Variants in ZNF626 observed in about 807,000 individuals in gnomAD.
ZNF626 encodes CTC-513N18.7.
Under a neutral mutation model 11.7 loss-of-function variants are expected in ZNF626, and 4 were observed. The observed-to-expected ratio is 0.34, with a 90% CI of 0.17 to 0.78. The LOEUF (loss-of-function observed/expected upper bound fraction) is 0.78. Among genes scored for constraint, ZNF626 ranks in the 30% least tolerant of loss-of-function variants. The probability of loss-of-function intolerance (pLI) is 0.57; values close to 1 mark genes in which losing one functional copy is unlikely to be tolerated. For missense variants in ZNF626, 588 were observed against 587.1 expected (o/e 1.00, Z -0.01); for synonymous variants, 179 against 198.6 (o/e 0.90, Z 0.83).
At chr19:20,646,832 A>G (rs1555771960) in intron 1 of ZNF626, among the ~76,000 whole-genome samples, 5 of 152,020 alleles carry the variant, frequency 3.3e-5, no homozygotes. Context: ...GATCTGGAAT[A>G]AAGTCTGATT....
intron 1 of ZNF626, among the ~76,000 whole-genome samples, chr19:20,660,608 A>G (rs747151292): frequency 9.7e-4 from 148 of 152,108 alleles, no homozygotes; most frequent in Non-Finnish European, 1.8e-3. Context: ...TATTTTTAGT[A>G]GAGACGGGTT....
Position 20,625,341 on chromosome 19 carries a change from C to A in ZNF626, c.536G>T (p.Gly179Val). The A allele has an allele frequency of 6.2e-7, 1 of 1,613,952 alleles. No individual in the cohort carries two copies. The change falls in exon 4 of 4, where the codon GGC becomes GTC. Residue 179 changes from glycine to valine, a missense_variant. By Grantham distance (109) the Gly-to-Val change is moderately radical. This residue lies in a region of ZNF626 where 524 missense variants were observed against 470.1 expected (regional missense o/e 1.11). Coordinates refer to ENST00000601440, the MANE Select transcript of ZNF626 (RefSeq NM_001076675.3). ...AGTTGAGAACTGCTTAAAAGCTTTG[C>A]CACATTCTATATATTTGAAAGGTTT... The part of the protein sequence containing the change: ...GKKPFKYIEC[G>V]KAFKQFSTLT...
At chr19:20,636,188 C>A (rs911241712) in intron 3 of ZNF626, among the ~76,000 whole-genome samples, 5 of 152,026 alleles carry the variant, frequency 3.3e-5, no homozygotes, top group Non-Finnish European at 7.4e-5. Context: ...ACCTACAAAA[C>A]AAATATACAA....
chr19:20,642,346 T>C lies in ZNF626; in HGVS notation c.226+3338A>G, dbSNP rs139743939. Among the ~76,000 whole-genome samples the C allele has an allele frequency of 1.6e-4, 24 of 152,308 alleles. No homozygotes were observed. The East Asian group carries it at 3.3e-3, about 21-fold the overall frequency. On this transcript the variant is annotated intron_variant, in intron 3 of 3. Transcript: ENST00000601440. ...CAGGCGCAGTGGCTCATGACTATAA[T>C]TGCAGCACTTTGGAAGGCCAAGGTG...
intron 3 of ZNF626, among the ~76,000 whole-genome samples, chr19:20,642,528 G>A (rs1003488866): frequency 1.6e-4 from 24 of 152,036 alleles, no homozygotes; most frequent in African/African-American, 5.6e-4. Flanking sequence ...CTTGGAAGGC[G>A]GAGGTTGCAG....
chr19:20,656,274 T>C (rs1276819283), intron 1 of ZNF626, among the ~76,000 whole-genome samples: 1 of 152,006 alleles, frequency 6.6e-6, no homozygotes, highest in African/African-American at 2.4e-5. Flanking sequence ...TTACACCATA[T>C]ACAAAAATCA....
At position 20,623,396 on chromosome 19, in the gene ZNF626, A is replaced by G. The variant is rs1215797996; in HGVS notation, c.*894T>C. On this transcript the variant is annotated 3_prime_UTR_variant, in exon 4 of 4. Transcript: ENST00000601440. ...TATATTTCTAGGGTTTCACACTAGT[A>G]TAAATTTTTTATGTATAGAAAGGAT... is the stretch of plus-strand genomic sequence containing the variant. The G allele has an allele frequency of 6.6e-6, 1 of 152,262 alleles. No homozygotes were observed. The highest frequency in any genetic ancestry group is 2.4e-5 in the African/African-American group (1 of 41,450). The allele number at this position is 152,262 out of a possible 1,614,324, so 9.4% of individuals were successfully genotyped here. A position where few individuals can be genotyped will look rare whatever the true frequency, so the allele number is the denominator to read the frequency against.
intron 1 of ZNF626, among the ~76,000 whole-genome samples, chr19:20,656,885 G>C (rs1341985245): frequency 6.6e-6 from 1 of 152,100 alleles, no homozygotes; most frequent in Non-Finnish European, 1.5e-5. Context: ...AAGCAGTGTG[G>C]TGATTCCTCA....
intron 3 of ZNF626, among the ~76,000 whole-genome samples, chr19:20,640,197 T>C (rs34401019): frequency 0.18 from 21,472 of 119,254 alleles, 1,695 homozygotes; most frequent in African/African-American, 0.33. Flanking sequence ...TTAAAATATT[T>C]TAATTTTTTA....
At chr19:20,660,256 A>C (rs1970250520) in intron 1 of ZNF626, among the ~76,000 whole-genome samples, 1 of 151,672 alleles carries the variant, frequency 6.6e-6, no homozygotes, top group Non-Finnish European at 1.5e-5. Flanking sequence ...AAAAAAAAAA[A>C]AAAAAAAAAA....
At chr19:20,638,463 A>G (rs899188330) in intron 3 of ZNF626, among the ~76,000 whole-genome samples, 2 of 150,782 alleles carry the variant, frequency 1.3e-5, no homozygotes, top group African/African-American at 2.4e-5. Context: ...ATAAAATTAT[A>G]TAGAGAAAAA....
intron 1 of ZNF626, among the ~76,000 whole-genome samples, chr19:20,653,829 A>C (rs1258285234): frequency 6.6e-6 from 1 of 152,104 alleles, no homozygotes; most frequent in Non-Finnish European, 1.5e-5. Context: ...ATAGAATCTG[A>C]CTGTGTTCAT....
chr19:20,632,556 A>C (rs1969918200), intron 3 of ZNF626, among the ~76,000 whole-genome samples: 3 of 152,142 alleles, frequency 2.0e-5, no homozygotes, highest in Non-Finnish European at 2.9e-5. Context: ...CATCGCTGAT[A>C]CCCTTTCTTC....
chr19:20,627,402 T>C (rs1472791486), intron 3 of ZNF626, among the ~76,000 whole-genome samples: 2 of 152,046 alleles, frequency 1.3e-5, no homozygotes, highest in Non-Finnish European at 2.9e-5. Flanking sequence ...AGAGGTTTTA[T>C]GTAATCTCCC....
chr19:20,636,328 T>C (rs1599478332), intron 3 of ZNF626, among the ~76,000 whole-genome samples: 1 of 152,030 alleles, frequency 6.6e-6, no homozygotes, highest in South Asian at 2.1e-4. Context: ...CAGTTAAATA[T>C]TGTTACATAC....
Position 20,624,844 on chromosome 19 carries a change from C to G in ZNF626, c.1033G>C (p.Glu345Gln). 6.2e-7 allele frequency: 1 copy of G among 1,613,588 alleles called. No individual in the cohort carries two copies. Among genetic ancestry groups the G allele is most frequent in the South Asian group, 1.1e-5 (1 of 91,052 alleles). The part of the protein sequence containing the change: ...HTEDKPYKCE[E>Q]CGKAFKYSST... ...GAGTACTTAAAGGCTTTGCCACATT[C>G]TTCACATTTGTAGGGTTTGTCTTCA... The change falls in exon 4 of 4, where the codon GAA becomes CAA. Residue 345 changes from glutamate (E) to glutamine (Q), a missense_variant. Glu to Gln is a conservative substitution (Grantham distance 29). Coordinates refer to ENST00000601440, the MANE Select transcript of ZNF626 (RefSeq NM_001076675.3).
rs1555771892 is a variant in ZNF626, at chr19:20,646,280, A to T, written c.129T>A (p.Leu43=). 1 of 1,613,468 alleles carries T rather than the reference A, an allele frequency of 6.2e-7. No individual in the cohort carries two copies. The change falls in exon 2 of 4, where the codon CTT becomes CTA. Residue 43 remains leucine, a splice_region_variant and synonymous_variant. Coordinates refer to ENST00000601440, the MANE Select transcript of ZNF626 (RefSeq NM_001076675.3). ...MLENYSNLVF[L]GITVSKPDLI... ...ATTATGTACTCAAGTTATCCTCACC[A>T]AGGAAGACCAGGTTACTGTAGTTCT... is the stretch of plus-strand genomic sequence containing the variant.
At chr19:20,631,880 G>C (rs1475725678) in intron 3 of ZNF626, among the ~76,000 whole-genome samples, 1 of 151,762 alleles carries the variant, frequency 6.6e-6, no homozygotes, top group African/African-American at 2.4e-5. Flanking sequence ...TTTCTTCCTA[G>C]TCTCAATGGT....
In ZNF626 at chr19:20,621,413, G is replaced by A. The variant is rs922698188; in HGVS notation, c.*2877C>T. The A allele has an allele frequency of 7.9e-5, 12 of 152,148 alleles. No homozygotes were observed. Among genetic ancestry groups the A allele is most frequent in the Non-Finnish European group, 1.0e-4 (7 of 68,040 alleles). 9.4% of individuals were successfully genotyped at this position (152,148 alleles called of 1,614,324 possible). A position where few individuals can be genotyped will look rare whatever the true frequency, so the allele number is the denominator to read the frequency against. Reference sequence around the variant, plus strand: ...TGGGATTACAGGCATGAGCCACTGCGTCCAGCCCATATTCTATTTATATTT... The same window carrying A: ...TGGGATTACAGGCATGAGCCACTGCATCCAGCCCATATTCTATTTATATTT... On this transcript the variant is annotated 3_prime_UTR_variant, in exon 4 of 4. Coordinates refer to ENST00000601440, the MANE Select transcript of ZNF626 (RefSeq NM_001076675.3).
Sources: gnomAD v4.1 joint callset for allele counts (sites outside exome capture counted in the v4.1 genomes callset) on GRCh38, gnomAD v4.1.1 for gene constraint, gnomAD v4.1.1 regional missense constraint, MANE v1.5 for transcripts, NCBI Gene and HGNC (gene_info 2026-07-23, HGNC 2026-07-21) for gene names.